HIF1A: variants seen among roughly 807,000 people sequenced by gnomAD.
The protein encoded by HIF1A is hypoxia-inducible factor 1-alpha.
Under a neutral mutation model 92.7 loss-of-function variants are expected in HIF1A, and 24 were observed. The observed-to-expected ratio is 0.26, with a 90% confidence interval of 0.19 to 0.36. The LOEUF is 0.36. Among genes scored for constraint, HIF1A ranks in the 10% least tolerant of loss-of-function variants. The pLI, the probability that HIF1A is intolerant of heterozygous loss-of-function variation, is 1.00. For missense variants in HIF1A, 799 were observed against 998.5 expected (o/e 0.80, Z 2.69); for synonymous variants, 319 against 338.7 (o/e 0.94, Z 0.64).
At chr14:61,707,029 ATATATTTCC>A (rs1230763822) in intron 1 of HIF1A, among the ~76,000 whole-genome samples, 1 of 152,204 alleles carries the variant, frequency 6.6e-6, no homozygotes, top group Non-Finnish European at 1.5e-5. Flanking sequence ...TAGGAGGTGG[ATATATTTCC>A]TGTATTTGTA....
At position 61,734,295 on chromosome 14, in the gene HIF1A, T is replaced by C; in HGVS notation, c.1028+10T>C. 1 of 1,595,614 alleles carries C rather than the reference T, an allele frequency of 6.3e-7. No individual in the cohort carries two copies. Among genetic ancestry groups the C allele is most frequent in the Non-Finnish European group, 8.6e-7 (1 of 1,169,078 alleles). On this transcript the variant is annotated intron_variant, in intron 8 of 14. Transcript: ENST00000337138. The stretch of plus-strand genomic sequence containing the variant: ...TGAATTACGTTGTGAGGTAAGTAAG[T>C]TTGAGAAATAAACATTTTTGGGGAA...
In HIF1A at chr14:61,747,186, A is replaced by G. The variant is rs1272414694; in HGVS notation, c.*101A>G. On this transcript the variant is annotated 3_prime_UTR_variant, in exon 15 of 15. Coordinates refer to ENST00000337138, the MANE Select transcript of HIF1A (RefSeq NM_001530.4). Reference sequence around the variant, plus strand: ...ATCTAATTTTAGAAGCCTGGCTACAATACTGCACAAACTTGGTTAGTTCAA... The same window carrying G: ...ATCTAATTTTAGAAGCCTGGCTACAGTACTGCACAAACTTGGTTAGTTCAA... 3.0e-6 allele frequency: 3 copies of G among 1,009,360 alleles called. No homozygotes were observed. In the Admixed American group the frequency reaches 8.8e-5, roughly 30 times the overall value. 62.5% of individuals were successfully genotyped at this position (1,009,360 alleles called of 1,614,324 possible).
At chr14:61,736,817 T>C in intron 8 of HIF1A, 72 bp from the exon 9 acceptor site, 1 of 1,060,858 alleles carries the variant, frequency 9.4e-7, no homozygotes, top group Non-Finnish European at 1.4e-6. Flanking sequence ...TAAGAGACCA[T>C]TTCACAGTCT....
chr14:61,734,935 A>G (rs2044618496), intron 8 of HIF1A, among the ~76,000 whole-genome samples: 1 of 152,216 alleles, frequency 6.6e-6, no homozygotes, highest in Non-Finnish European at 1.5e-5. Flanking sequence ...AAATTCTATG[A>G]GATTAATAAG....
intron 6 of HIF1A, among the ~76,000 whole-genome samples, chr14:61,732,052 C>G (rs1262431416): frequency 6.6e-6 from 1 of 152,148 alleles, no homozygotes; most frequent in East Asian, 1.9e-4. Context: ...AGGGGAATCG[C>G]TTGAACCTAG....
chr14:61,702,344 G>A (rs1314264273), intron 1 of HIF1A, among the ~76,000 whole-genome samples: 3 of 150,838 alleles, frequency 2.0e-5, no homozygotes, highest in Non-Finnish European at 4.4e-5. Context: ...GGAGGCTGAG[G>A]CAGGAGAATC....
chr14:61,721,342 A>G (rs1391253380), intron 2 of HIF1A, among the ~76,000 whole-genome samples, 167 bp from the exon 3 acceptor site: 1 of 152,232 alleles, frequency 6.6e-6, no homozygotes, highest in African/African-American at 2.4e-5. Context: ...CAGCTGGCAC[A>G]TCTAATTATA....
intron 1 of HIF1A, among the ~76,000 whole-genome samples, chr14:61,698,557 C>G (rs2140114828): frequency 6.6e-6 from 1 of 152,326 alleles, no homozygotes; most frequent in South Asian, 2.1e-4. Flanking sequence ...GTTTAAACTT[C>G]CACAACTCTT....
At chr14:61,715,873 C>G (rs2140132132) in intron 1 of HIF1A, 1 of 152,250 alleles carries the variant, frequency 6.6e-6, no homozygotes, top group South Asian at 2.1e-4. Flanking sequence ...TAGCGTGTGC[C>G]TGTAGCTACT....
intron 1 of HIF1A, 96 bp downstream of exon 1, chr14:61,695,935 TG>T (rs113439501): frequency 1.1e-4 from 128 of 1,134,746 alleles, no homozygotes; most frequent in Middle Eastern, 4.8e-4. Flanking sequence ...TTAATGGGAT[TG>T]GGGGGGGCAG....
chr14:61,730,345 G>A (rs1291970886), intron 6 of HIF1A, among the ~76,000 whole-genome samples: 1 of 151,948 alleles, frequency 6.6e-6, no homozygotes, highest in Non-Finnish European at 1.5e-5. Context: ...TGACTTCTTG[G>A]TATCTTTTAG....
At position 61,738,076 on chromosome 14, in the gene HIF1A, T is replaced by C. The variant is rs1351473407; in HGVS notation, c.1250-11T>C. The C allele has an allele frequency of 6.4e-7, 1 of 1,570,956 alleles. No individual in the cohort carries two copies. The highest frequency in any genetic ancestry group is 8.6e-7 in the Non-Finnish European group (1 of 1,162,090). On this transcript the variant is annotated splice_polypyrimidine_tract_variant and intron_variant, in intron 9 of 14. Transcript: ENST00000337138. Reference sequence around the variant, plus strand: ...CTATACTTTAGATTGACTCATATTTTTTCCCCACAGACACAGAAACTGATG... The same window carrying C: ...CTATACTTTAGATTGACTCATATTTCTTCCCCACAGACACAGAAACTGATG...
intron 8 of HIF1A, 62 bp downstream of exon 8, chr14:61,734,347 T>C: frequency 8.9e-7 from 1 of 1,120,298 alleles, no homozygotes; most frequent in South Asian, 1.5e-5. Context: ...TTGGATACTC[T>C]GTTCATTTAT....
At chr14:61,711,131 G>A (rs924157603) in intron 1 of HIF1A, among the ~76,000 whole-genome samples, 1 of 150,624 alleles carries the variant, frequency 6.6e-6, no homozygotes, top group Non-Finnish European at 1.5e-5. Context: ...AAAAGACTGT[G>A]GAAACCAAAG....
At chr14:61,730,303 C>T (rs1282091320) in intron 6 of HIF1A, among the ~76,000 whole-genome samples, 1 of 152,100 alleles carries the variant, frequency 6.6e-6, no homozygotes, top group African/African-American at 2.4e-5. Flanking sequence ...GTAAAACTGA[C>T]CTTCTAGGAA....
chr14:61,710,326 A>G (rs1379001423), intron 1 of HIF1A, among the ~76,000 whole-genome samples: 1 of 152,188 alleles, frequency 6.6e-6, no homozygotes, highest in Non-Finnish European at 1.5e-5. Flanking sequence ...GTAAAAATAC[A>G]TTTGTTCCAT....
chr14:61,740,525 T>C lies in HIF1A; in HGVS notation c.1557T>C (p.Tyr519=), dbSNP rs1217737336. 2 of 1,588,878 alleles carry C rather than the reference T, an allele frequency of 1.3e-6. No homozygotes were observed. Among genetic ancestry groups the C allele is most frequent in the Non-Finnish European group, 1.7e-6 (2 of 1,165,336 alleles). ...TACAGCCTAATAGTCCCAGTGAATA[T>C]TGTTTTTATGTGGATAGTGATATGG... is the stretch of plus-strand genomic sequence containing the variant. The part of the protein sequence containing the change: ...SSPEPNSPSE[Y]CFYVDSDMVN... The change falls in exon 11 of 15, where the codon TAT becomes TAC. Residue 519 remains tyrosine (Y), a synonymous_variant. Coordinates refer to ENST00000337138, the MANE Select transcript of HIF1A (RefSeq NM_001530.4).
intron 1 of HIF1A, chr14:61,697,913 C>T: frequency 6.6e-7 from 1 of 1,521,476 alleles, no homozygotes; most frequent in Non-Finnish European, 8.8e-7. Flanking sequence ...GTCTAGGAAA[C>T]TCAAAACCTG....
At chr14:61,698,054 A>AT (rs1187376533) in intron 1 of HIF1A, 1 of 591,298 alleles carries the variant, frequency 1.7e-6, no homozygotes, top group Non-Finnish European at 2.6e-6. Flanking sequence ...TGATTTTTAG[A>AT]TTTTTAAGGG....
Sources: gnomAD v4.1 joint callset for allele counts (sites outside exome capture counted in the v4.1 genomes callset) on GRCh38, gnomAD v4.1.1 for gene constraint, MANE v1.5 for transcripts, NCBI Gene and HGNC (gene_info 2026-07-23, HGNC 2026-07-21) for gene names.